The following AP4E1 variants were observed in gnomAD, a reference collection of about 807,000 sequenced individuals.
AP4E1 encodes the protein AP-4 complex subunit epsilon-1.
AP4E1 carries 56 observed loss-of-function variants against 128.2 expected under a neutral mutation model. The ratio of observed to expected loss-of-function variants is 0.44; its 90% CI spans 0.35 to 0.55. The LOEUF (loss-of-function observed/expected upper bound fraction) is 0.55. Among genes scored for constraint, AP4E1 ranks in the 20% least tolerant of loss-of-function variants. The pLI is 0.00. For synonymous variants in AP4E1, 484 were observed against 473.1 expected, an observed-to-expected ratio of 1.02 and a Z score of -0.30; for missense variants, 1,324 against 1,307.7, an observed-to-expected ratio of 1.01 and a Z score of -0.19.
chr15:50,959,078 G>A (rs193082144), intron 14 of AP4E1, among the ~76,000 whole-genome samples: 1 of 152,164 alleles, frequency 6.6e-6, no homozygotes, highest in Admixed American at 6.5e-5. Flanking sequence ...GGGCATGGTG[G>A]TACATGCCTG....
At chr15:51,001,779 A>G (rs1350443068) in intron 20 of AP4E1, among the ~76,000 whole-genome samples, 1 of 152,228 alleles carries the variant, frequency 6.6e-6, no homozygotes, top group Non-Finnish European at 1.5e-5. Context: ...TAATGCTGCT[A>G]TGAACAAGGT....
intron 15 of AP4E1, among the ~76,000 whole-genome samples, chr15:50,971,720 T>C (rs1057394567): frequency 1.3e-5 from 2 of 152,122 alleles, no homozygotes; most frequent in Admixed American, 1.3e-4. Context: ...TTCTGCTTTC[T>C]AATGTGTTGT....
chr15:51,002,087 C>T (rs2064970721), intron 20 of AP4E1, among the ~76,000 whole-genome samples: 1 of 152,048 alleles, frequency 6.6e-6, no homozygotes, highest in Non-Finnish European at 1.5e-5. Context: ...CACCATATTG[C>T]CTAGGCAGGT....
chr15:50,945,128 G>C (rs967229041), intron 10 of AP4E1: 1 of 804,312 alleles, frequency 1.2e-6, no homozygotes, highest in Non-Finnish European at 2.3e-6. Flanking sequence ...CATTAGGAAA[G>C]ACAGTGTATA....
chr15:50,910,322 C>G (rs1387227692), intron 1 of AP4E1, among the ~76,000 whole-genome samples: 2 of 152,136 alleles, frequency 1.3e-5, no homozygotes, highest in Admixed American at 6.5e-5. Flanking sequence ...GTGTAGTATA[C>G]CGATTCACAG....
At chr15:51,000,047 C>A (rs1259255110) in intron 19 of AP4E1, among the ~76,000 whole-genome samples, 1 of 151,788 alleles carries the variant, frequency 6.6e-6, no homozygotes, top group Non-Finnish European at 1.5e-5. Context: ...CTGCCTGAAC[C>A]CAGAATGCAG....
chr15:50,968,542 A>G lies in AP4E1; in HGVS notation c.1966+165A>G, dbSNP rs2064428341. Among the ~76,000 whole-genome samples, 3 of 152,196 alleles carry G rather than the reference A, an allele frequency of 2.0e-5. No homozygotes were observed. The South Asian group carries it at 6.2e-4, about 32-fold the overall frequency. ...TAGGTTTTCAGATATCCAGAGGAAA[A>G]AAAAAAGTTAGCCAAGAGATATTGC... On this transcript the variant is annotated intron_variant, in intron 15 of 20. Coordinates refer to ENST00000261842, the MANE Select transcript of AP4E1 (RefSeq NM_007347.5).
chr15:50,984,822 C>A (rs2064695046), intron 16 of AP4E1, among the ~76,000 whole-genome samples: 1 of 152,090 alleles, frequency 6.6e-6, no homozygotes, highest in Non-Finnish European at 1.5e-5. Context: ...GGTATATACC[C>A]AGTAATGGGA....
intron 3 of AP4E1, 61 bp downstream of exon 3, chr15:50,915,632 A>G: frequency 6.4e-7 from 1 of 1,552,938 alleles, no homozygotes; most frequent in East Asian, 2.3e-5. Context: ...CATCTATTAT[A>G]CAAAATGAAT....
chr15:50,915,798 T>A, intron 3 of AP4E1: 1 of 526,156 alleles, frequency 1.9e-6, no homozygotes, highest in Non-Finnish European at 3.4e-6. Flanking sequence ...TTTCTTGCTC[T>A]TGTGATGGCG....
rs60393731 is a variant in AP4E1, at chr15:50,976,347, A to G, written c.1967-7675A>G. 7.5e-4 allele frequency among the ~76,000 whole-genome samples: 114 copies of G among 152,312 alleles called. 1 individual carries two copies. The highest frequency in any genetic ancestry group is 2.7e-3 in the African/African-American group (112 of 41,584). ...GAATACCCTTTCATGATTAAAAAGA[A>G]ACTCAATAAAACTAAGAATAGAAGG... is the stretch of plus-strand genomic sequence containing the variant. On this transcript the variant is annotated intron_variant, in intron 15 of 20. Coordinates refer to ENST00000261842, the MANE Select transcript of AP4E1 (RefSeq NM_007347.5).
In AP4E1 at chr15:50,960,347, T is replaced by C. The variant is rs1232019820; in HGVS notation, c.1851+1553T>C. On this transcript the variant is annotated intron_variant, in intron 14 of 20. Coordinates refer to ENST00000261842, the MANE Select transcript of AP4E1 (RefSeq NM_007347.5). ...ATTCTTCTCATCAACACATGGAACA[T>C]TCTCCAGGACAGACCATATGTTAGG... is the stretch of plus-strand genomic sequence containing the variant. Among the ~76,000 whole-genome samples, 4 of 152,120 alleles carry C rather than the reference T, an allele frequency of 2.6e-5. No individual in the cohort carries two copies. In the East Asian group the frequency reaches 7.7e-4, roughly 29 times the overall value.
chr15:50,942,422 A>T (rs2064000215), intron 10 of AP4E1, among the ~76,000 whole-genome samples: 1 of 152,062 alleles, frequency 6.6e-6, no homozygotes, highest in Non-Finnish European at 1.5e-5. Context: ...CTGTTATTGT[A>T]CAATTTAAGA....
chr15:50,941,531 G>A lies in AP4E1; in HGVS notation c.1033G>A (p.Val345Ile), dbSNP rs1022263002. ...GGCTGCCAAGTGCATTGGAAAATTTGTTCTGTCACCTAAAATAAATCTAAA... is the reference window on the plus strand; with the variant it reads ...GGCTGCCAAGTGCATTGGAAAATTTATTCTGTCACCTAAAATAAATCTAAA... ...EKAAKCIGKF[V>I]LSPKINLKYL... The change falls in exon 9 of 21, where the codon GTT becomes ATT. Residue 345 changes from valine to isoleucine, a missense_variant. Coordinates refer to ENST00000261842, the MANE Select transcript of AP4E1 (RefSeq NM_007347.5). 1.2e-6 allele frequency: 2 copies of A among 1,612,992 alleles called. No homozygotes were observed. Among genetic ancestry groups the A allele is most frequent in the Non-Finnish European group, 8.5e-7 (1 of 1,179,604 alleles).
At chr15:50,982,868 A>G (rs1240160351) in intron 15 of AP4E1, among the ~76,000 whole-genome samples, 2 of 152,086 alleles carry the variant, frequency 1.3e-5, no homozygotes, top group Non-Finnish European at 2.9e-5. Context: ...TGGCTTTGTC[A>G]TTTTCTAATT....
At position 51,001,053 on chromosome 15, in the gene AP4E1, T is replaced by C. The variant is rs778926865; in HGVS notation, c.3123T>C (p.Phe1041=). ...CATTAAAAATCTCAAGTGACGACTT[T>C]GGGAAACTCTGGTTATCCTTCGCAA... ...IRPLKISSDD[F]GKLWLSFAND... is the part of the protein sequence containing the mutation. The change falls in exon 20 of 21, where the codon TTT becomes TTC. Residue 1041 remains phenylalanine (F), a synonymous_variant. Transcript: ENST00000261842. 1.9e-5 allele frequency: 31 copies of C among 1,613,036 alleles called. No homozygotes were observed. Among genetic ancestry groups the C allele is most frequent in the East Asian group, 6.7e-5 (3 of 44,792 alleles).
chr15:51,002,537 T>TC lies in AP4E1; in HGVS notation c.3291dup (p.Ile1098HisfsTer27). Reference sequence around the variant, plus strand: ...GCTATTGGCCTGTCAGCTGCTCCCATCCATCCCCTGCTTACTGCATTGCCG... The same window carrying TC: ...GCTATTGGCCTGTCAGCTGCTCCCATCCCATCCCCTGCTTACTGCATTGCCG... On this transcript the variant is annotated frameshift_variant, in exon 21 of 21. Transcript: ENST00000261842. LOFTEE classifies it high-confidence loss of function. 1 of 1,614,162 alleles carries TC rather than the reference T, an allele frequency of 6.2e-7. No individual in the cohort carries two copies. The highest frequency in any genetic ancestry group is 8.5e-7 in the Non-Finnish European group (1 of 1,180,000).
chr15:50,911,407 A>G (rs1483469718), intron 1 of AP4E1, among the ~76,000 whole-genome samples: 1 of 152,020 alleles, frequency 6.6e-6, no homozygotes, highest in Non-Finnish European at 1.5e-5. Flanking sequence ...TTTACTTCTA[A>G]GGGGAAGATG....
intron 8 of AP4E1, among the ~76,000 whole-genome samples, chr15:50,939,470 A>C (rs1206685965): frequency 6.6e-6 from 1 of 152,118 alleles, no homozygotes; most frequent in Non-Finnish European, 1.5e-5. Context: ...CTTCACCACC[A>C]CAGAGAGGAG....
Sources: gnomAD v4.1 joint callset for allele counts (sites outside exome capture counted in the v4.1 genomes callset) on GRCh38, gnomAD v4.1.1 for gene constraint, MANE v1.5 for transcripts, NCBI Gene and HGNC (gene_info 2026-07-23, HGNC 2026-07-21) for gene names.